GRPEL1: variants seen among roughly 807,000 people sequenced by gnomAD.
The protein encoded by GRPEL1 is GrpE like 1, mitochondrial, also known as grpE protein homolog 1, mitochondrial.
Under a neutral mutation model 22.1 loss-of-function variants are expected in GRPEL1, and 13 were observed. The ratio of observed to expected loss-of-function variants is 0.59; its 90% CI spans 0.38 to 0.94. The LOEUF is 0.94. Ranked by LOEUF, GRPEL1 falls within the 40% of genes least tolerant of loss-of-function variation. GRPEL1 has a pLI of 0.00. For synonymous variants in GRPEL1, 109 were observed against 105.3 expected, an observed-to-expected ratio of 1.03 and a Z score of -0.21; for missense variants, 289 against 264.6, an observed-to-expected ratio of 1.09 and a Z score of -0.64.
chr4:7,061,684 C>T (rs1724044572), intron 3 of GRPEL1: 2 of 158,190 alleles, frequency 1.3e-5, no homozygotes, highest in African/African-American at 4.8e-5. Flanking sequence ...CAACAAAGCA[C>T]ATTACCACAA....
chr4:7,062,298 T>A, intron 3 of GRPEL1, 87 bp downstream of exon 3: 2 of 448,908 alleles, frequency 4.5e-6, no homozygotes, highest in Non-Finnish European at 8.7e-6. Context: ...ACAGCCTTGC[T>A]CTCTGACACT....
At chr4:7,067,558 A>C in intron 1 of GRPEL1, 1 of 234,092 alleles carries the variant, frequency 4.3e-6, no homozygotes, top group Non-Finnish European at 8.4e-6. Context: ...TCGCTGCGTG[A>C]CCTTGGACAA....
At chr4:7,063,935 G>T in intron 2 of GRPEL1, 126 bp downstream of exon 2, 2 of 1,082,712 alleles carry the variant, frequency 1.8e-6, no homozygotes, top group Non-Finnish European at 2.5e-6. Flanking sequence ...TGGGCCCACT[G>T]CAGGCCATGG....
At position 7,059,242 on chromosome 4, in the gene GRPEL1, G is replaced by C. The variant is rs1723974564; in HGVS notation, c.*1620C>G. 6.6e-6 allele frequency: 1 copy of C among 152,220 alleles called. No homozygotes were observed. The highest frequency in any genetic ancestry group is 1.5e-5 in the Non-Finnish European group (1 of 68,044). 9.4% of individuals were successfully genotyped at this position (152,220 alleles called of 1,614,324 possible). A position where few individuals can be genotyped will look rare whatever the true frequency, so the allele number is the denominator to read the frequency against. ...ATGATAACCAACTTATAGTGACTAT[G>C]GATGACTGAAGCTTACTGTAAAAAA... On this transcript the variant is annotated 3_prime_UTR_variant, in exon 4 of 4. Transcript: ENST00000264954.
intron 1 of GRPEL1, among the ~76,000 whole-genome samples, chr4:7,066,908 G>T (rs1479512590): frequency 6.6e-6 from 1 of 152,208 alleles, no homozygotes; most frequent in African/African-American, 2.4e-5. Context: ...ATGCTGACTT[G>T]GTGGTCACTT....
chr4:7,059,036 G>A lies in GRPEL1; in HGVS notation c.*1826C>T, dbSNP rs1179626356. The A allele has an allele frequency of 6.6e-6, 1 of 152,196 alleles. No homozygotes were observed. Among genetic ancestry groups the A allele is most frequent in the Non-Finnish European group, 1.5e-5 (1 of 68,040 alleles). 9.4% of individuals were successfully genotyped at this position (152,196 alleles called of 1,614,324 possible). A position where few individuals can be genotyped will look rare whatever the true frequency, so the allele number is the denominator to read the frequency against. ...AGGCTACATACACCATATAGCCTAG[G>A]TGTGGAGGAGGCTCCACCACCTGTT... On this transcript the variant is annotated 3_prime_UTR_variant, in exon 4 of 4. Transcript: ENST00000264954.
At position 7,060,719 on chromosome 4, in the gene GRPEL1, G is replaced by C; in HGVS notation, c.*143C>G. On this transcript the variant is annotated 3_prime_UTR_variant, in exon 4 of 4. Coordinates refer to ENST00000264954, the MANE Select transcript of GRPEL1 (RefSeq NM_025196.4). The stretch of plus-strand genomic sequence containing the variant: ...AGTTCATTAATGCAGTTGGGCAACC[G>C]GCTTTTCTGTTTAGCCACTGGTTAC... 1.3e-6 allele frequency: 1 copy of C among 753,492 alleles called. No individual in the cohort carries two copies. The allele number at this position is 753,492 out of a possible 1,614,324, so 46.7% of individuals were successfully genotyped here.
chr4:7,062,475 G>GA lies in GRPEL1; in HGVS notation c.226-10dup. The GA allele has an allele frequency of 6.5e-6, 8 of 1,228,224 alleles. No individual in the cohort carries two copies. The highest frequency in any genetic ancestry group is 2.6e-5 in the East Asian group (1 of 37,780). 76.1% of individuals were successfully genotyped at this position (1,228,224 alleles called of 1,614,324 possible). A position where few individuals can be genotyped will look rare whatever the true frequency, so the allele number is the denominator to read the frequency against. On this transcript the variant is annotated splice_polypyrimidine_tract_variant and intron_variant, in intron 2 of 3. Coordinates refer to ENST00000264954, the MANE Select transcript of GRPEL1 (RefSeq NM_025196.4). The stretch of plus-strand genomic sequence containing the variant: ...GCTCGTTTATATTTTTCCTAAAAGA[G>GA]AAAAAAAGGGATATTTATATATATA...
At chr4:7,066,010 C>A (rs746615950) in intron 1 of GRPEL1, among the ~76,000 whole-genome samples, 2 of 152,132 alleles carry the variant, frequency 1.3e-5, no homozygotes, top group African/African-American at 2.4e-5. Flanking sequence ...TCCACCAACA[C>A]GCTCGGCTAA....
chr4:7,063,070 C>G (rs183505446), intron 2 of GRPEL1, among the ~76,000 whole-genome samples: 2 of 151,524 alleles, frequency 1.3e-5, no homozygotes, highest in African/African-American at 4.8e-5. Context: ...GTCTCACCAC[C>G]TTCCGGTAAG....
At chr4:7,063,329 T>C in intron 2 of GRPEL1, among the ~76,000 whole-genome samples, 1 of 152,126 alleles carries the variant, frequency 6.6e-6, no homozygotes. Flanking sequence ...GCTCAAGCAA[T>C]CCTCTTGCCT....
rs1423546416 is a variant in GRPEL1 at position 7,061,003 on chromosome 4, G to A, written c.513C>T (p.Asp171=). 1.9e-6 allele frequency: 3 copies of A among 1,614,194 alleles called. No homozygotes were observed. Among genetic ancestry groups the A allele is most frequent in the Non-Finnish European group, 2.5e-6 (3 of 1,180,038 alleles). ...LKLNPVGAKF[D]PYEHEALFHT... is the part of the protein sequence containing the mutation. ...GGAACAAGGCCTCATGTTCATAAGGGTCGAACTTGGCTCCGACAGGGTTCA... is the reference window on the plus strand; with the variant it reads ...GGAACAAGGCCTCATGTTCATAAGGATCGAACTTGGCTCCGACAGGGTTCA... The change falls in exon 4 of 4, where the codon GAC becomes GAT. Residue 171 remains aspartate (D), a synonymous_variant. Transcript: ENST00000264954.
rs552979446 is a variant in GRPEL1, at chr4:7,059,473, G to A, written c.*1389C>T. 3 of 152,304 alleles carry A rather than the reference G, an allele frequency of 2.0e-5. No homozygotes were observed. The highest frequency in any genetic ancestry group is 2.0e-4 in the Admixed American group (3 of 15,304). 9.4% of individuals were successfully genotyped at this position (152,304 alleles called of 1,614,324 possible). A position where few individuals can be genotyped will look rare whatever the true frequency, so the allele number is the denominator to read the frequency against. On this transcript the variant is annotated 3_prime_UTR_variant, in exon 4 of 4. Coordinates refer to ENST00000264954, the MANE Select transcript of GRPEL1 (RefSeq NM_025196.4). ...CAGCGTGAAAACAGGCAGCGCTGGA[G>A]CTCCCAGTCATGTTTTCTTCAATAC...
intron 2 of GRPEL1, 35 bp downstream of exon 2, chr4:7,064,026 C>A: frequency 6.2e-7 from 1 of 1,600,492 alleles, no homozygotes; most frequent in Non-Finnish European, 8.5e-7. Context: ...ACAGTTCAGC[C>A]GAGCCCGCCC....
chr4:7,061,489 A>T (rs1182397581), intron 3 of GRPEL1: 1 of 362,132 alleles, frequency 2.8e-6, no homozygotes, highest in Admixed American at 4.5e-5. Context: ...CCAGATGTCA[A>T]GCAAGCAGTA....
rs773287774 is a variant in GRPEL1 at position 7,062,425 on chromosome 4, C to A, written c.267G>T (p.Arg89=). ...KRALADTENL[R]QRSQKLVEEA... is the part of the protein sequence containing the mutation. ...CCTCCACCAATTTCTGGCTCCTCTG[C>A]CGTAAGTTCTCAGTGTCTGCCAAAG... The change falls in exon 3 of 4, where the codon CGG becomes CGT. Residue 89 remains arginine (R), a synonymous_variant. Coordinates refer to ENST00000264954, the MANE Select transcript of GRPEL1 (RefSeq NM_025196.4). The A allele has an allele frequency of 2.5e-6, 4 of 1,599,662 alleles. No individual in the cohort carries two copies. In the South Asian group the frequency reaches 4.5e-5, roughly 18 times the overall value.
At position 7,063,216 on chromosome 4, in the gene GRPEL1, G is replaced by T. The variant is rs1577221720; in HGVS notation, c.226-750C>A. Among the ~76,000 whole-genome samples the T allele has an allele frequency of 4.6e-5, 7 of 151,342 alleles. 1 individual carries two copies. Among genetic ancestry groups the T allele is most frequent in the Admixed American group, 4.6e-4 (7 of 15,220 alleles). ...GCAATTCTCCCACCTCAGCCTCCTG[G>T]GTTGCTGGGACTACAGGAGTGCACC... On this transcript the variant is annotated intron_variant, in intron 2 of 3. Coordinates refer to ENST00000264954, the MANE Select transcript of GRPEL1 (RefSeq NM_025196.4).
intron 2 of GRPEL1, 24 bp from the exon 3 acceptor site, chr4:7,062,490 T>TTACAAA: frequency 1.6e-6 from 1 of 614,456 alleles, no homozygotes; most frequent in Non-Finnish European, 2.2e-6. Context: ...AAAGGGATAT[T>TTACAAA]TATATATATA....
intron 3 of GRPEL1, 197 bp from the exon 4 acceptor site, chr4:7,061,405 A>C (rs1235811716): frequency 1.8e-6 from 1 of 557,354 alleles, no homozygotes; most frequent in African/African-American, 1.9e-5. Context: ...CCCAGAATTT[A>C]CTAAATTTAG....
Sources: gnomAD v4.1 joint callset for allele counts (sites outside exome capture counted in the v4.1 genomes callset) on GRCh38, gnomAD v4.1.1 for gene constraint, MANE v1.5 for transcripts, NCBI Gene and HGNC (gene_info 2026-07-23, HGNC 2026-07-21) for gene names.